GULP1: variants seen among roughly 807,000 people sequenced by gnomAD.
GULP1 encodes the protein PTB domain-containing engulfment adapter protein 1.
GULP1 carries 19 observed loss-of-function variants against 40.9 expected under a neutral mutation model. The ratio of observed to expected loss-of-function variants is 0.46; its 90% confidence interval spans 0.32 to 0.68. The LOEUF (loss-of-function observed/expected upper bound fraction) is 0.68. Ranked by LOEUF, GULP1 falls within the 30% of genes least tolerant of loss-of-function variation. GULP1 has a pLI of 0.03. For missense variants in GULP1, 312 were observed against 362.2 expected, an observed-to-expected ratio of 0.86 and a Z score of 1.12; for synonymous variants, 119 against 117.6, an observed-to-expected ratio of 1.01 and a Z score of -0.08.
At chr2:188,354,552 T>G (rs2044996955) in intron 1 of GULP1, among the ~76,000 whole-genome samples, 1 of 152,118 alleles carries the variant, frequency 6.6e-6, no homozygotes, top group Non-Finnish European at 1.5e-5. Flanking sequence ...GACCTGAGCC[T>G]AGGACCTCAG....
intron 5 of GULP1, among the ~76,000 whole-genome samples, chr2:188,526,632 C>T (rs969758953): frequency 6.6e-6 from 1 of 151,936 alleles, no homozygotes; most frequent in African/African-American, 2.4e-5. Flanking sequence ...GAATATTAAA[C>T]TGAATAAAAT....
At chr2:188,456,377 T>C (rs1333923660) in intron 2 of GULP1, among the ~76,000 whole-genome samples, 1 of 152,168 alleles carries the variant, frequency 6.6e-6, no homozygotes, top group Admixed American at 6.5e-5. Flanking sequence ...GTGTGCAGCC[T>C]AGGAACTTGG....
At chr2:188,333,610 T>C (rs4522565) in intron 1 of GULP1, among the ~76,000 whole-genome samples, 27,097 of 152,026 alleles carry the variant, frequency 0.18, 2,480 homozygotes, top group South Asian at 0.23. Context: ...ACTTCCAGTG[T>C]CTGTTAAAAG....
intron 2 of GULP1, among the ~76,000 whole-genome samples, chr2:188,455,762 T>C (rs2059204705): frequency 6.6e-6 from 1 of 151,784 alleles, no homozygotes; most frequent in Admixed American, 6.6e-5. Flanking sequence ...CAGGCAGAGG[T>C]TGGAACAGTT....
chr2:188,587,469 A>G (rs1702625662), intron 10 of GULP1, among the ~76,000 whole-genome samples: 1 of 152,072 alleles, frequency 6.6e-6, no homozygotes, highest in Non-Finnish European at 1.5e-5. Context: ...GTTGCAAGGC[A>G]TCAATCAATG....
At chr2:188,562,845 C>T (rs972493929) in intron 7 of GULP1, among the ~76,000 whole-genome samples, 3 of 152,006 alleles carry the variant, frequency 2.0e-5, no homozygotes, top group Admixed American at 1.3e-4. Context: ...TATTGTCTAA[C>T]TACAAATATA....
intron 2 of GULP1, among the ~76,000 whole-genome samples, chr2:188,466,314 G>GTC (rs2060120252): frequency 6.7e-6 from 1 of 149,068 alleles, no homozygotes; most frequent in African/African-American, 2.5e-5. Flanking sequence ...GTCTTGCTCT[G>GTC]TCACCCAGGC....
intron 1 of GULP1, among the ~76,000 whole-genome samples, chr2:188,333,936 G>T (rs796824562): frequency 2.0e-5 from 3 of 152,192 alleles, no homozygotes; most frequent in East Asian, 1.9e-4. Context: ...TCCCACATAG[G>T]CAGGGACTCC....
At chr2:188,393,096 G>T (rs13389155) in intron 2 of GULP1, among the ~76,000 whole-genome samples, 1 of 151,578 alleles carries the variant, frequency 6.6e-6, no homozygotes, top group South Asian at 2.1e-4. Context: ...TGTTAGGTCA[G>T]TTTGTTCTAG....
At chr2:188,305,204 G>A (rs114361483) in intron 1 of GULP1, among the ~76,000 whole-genome samples, 74 of 152,310 alleles carry the variant, frequency 4.9e-4, no homozygotes, top group Non-Finnish European at 9.3e-4. Context: ...ATAATAGAAA[G>A]GATGCAGATG....
At chr2:188,305,645 C>T (rs1449409643) in intron 1 of GULP1, among the ~76,000 whole-genome samples, 1 of 152,204 alleles carries the variant, frequency 6.6e-6, no homozygotes, top group Admixed American at 6.5e-5. Flanking sequence ...GGATGAAAAA[C>T]AATATATAAT....
chr2:188,339,772 G>A (rs1314031726), intron 1 of GULP1, among the ~76,000 whole-genome samples: 5 of 152,084 alleles, frequency 3.3e-5, no homozygotes, highest in Non-Finnish European at 4.4e-5. Context: ...CATAATAAAA[G>A]CTTAAAAAGA....
chr2:188,573,162 A>G (rs1297729431), intron 9 of GULP1, among the ~76,000 whole-genome samples: 2 of 152,208 alleles, frequency 1.3e-5, no homozygotes, highest in Non-Finnish European at 2.9e-5. Flanking sequence ...AAATGGTTTA[A>G]AAAACATTGT....
chr2:188,590,240 C>G (rs572572277), intron 11 of GULP1: 1 of 152,280 alleles, frequency 6.6e-6, no homozygotes, highest in South Asian at 2.1e-4. Flanking sequence ...TCCCAAAGTG[C>G]TTGGACCACA....
At chr2:188,347,860 T>G (rs2043903905) in intron 1 of GULP1, among the ~76,000 whole-genome samples, 1 of 152,210 alleles carries the variant, frequency 6.6e-6, no homozygotes, top group African/African-American at 2.4e-5. Context: ...TCAAGCAGTC[T>G]GCCCACCTGG....
intron 2 of GULP1, among the ~76,000 whole-genome samples, chr2:188,473,026 TAG>T (rs1338844001): frequency 1.3e-5 from 2 of 152,224 alleles, no homozygotes; most frequent in African/African-American, 4.8e-5. Flanking sequence ...CTGTGGTTCT[TAG>T]AGACTCATAG....
chr2:188,452,581 G>A (rs1013441329), intron 2 of GULP1, among the ~76,000 whole-genome samples: 7 of 151,998 alleles, frequency 4.6e-5, no homozygotes, highest in African/African-American at 1.7e-4. Flanking sequence ...TCTATTATAA[G>A]CATAATAAAT....
chr2:188,484,798 A>G (rs1485445002), intron 4 of GULP1, among the ~76,000 whole-genome samples: 1 of 152,152 alleles, frequency 6.6e-6, no homozygotes, highest in Non-Finnish European at 1.5e-5. Flanking sequence ...AGAGTGCACC[A>G]TCTCTTATTT....
chr2:188,518,065 T>C (rs1369434689), intron 4 of GULP1, among the ~76,000 whole-genome samples: 1 of 152,130 alleles, frequency 6.6e-6, no homozygotes, highest in Non-Finnish European at 1.5e-5. Flanking sequence ...GTATACTTTG[T>C]ACAAGCCTTT....
Sources: allele counts gnomAD v4.1 joint callset (sites outside exome capture counted in the v4.1 genomes callset), GRCh38; gene constraint gnomAD v4.1.1; transcripts MANE v1.5; gene names NCBI Gene and HGNC (gene_info 2026-07-23, HGNC 2026-07-21).